Variants in HEXA observed in about 807,000 individuals in gnomAD.
The protein encoded by HEXA is beta-hexosaminidase subunit alpha.
A neutral mutation model predicts 73.3 loss-of-function variants in HEXA; 54 were observed. That is an observed-to-expected ratio of 0.74 (90% CI 0.59 to 0.92). The LOEUF (loss-of-function observed/expected upper bound fraction) is 0.92. HEXA is among the 40% of genes least tolerant of loss of function. The pLI, the probability that HEXA is intolerant of heterozygous loss-of-function variation, is 0.00. For synonymous variants in HEXA, 230 were observed against 246.9 expected (o/e 0.93, Z 0.64); for missense variants, 649 against 653.0 (o/e 0.99, Z 0.07).
In HEXA at chr15:72,341,661, T is replaced by G. The variant is rs2088556190; in HGVS notation, c.*2416A>C. The G allele has an allele frequency of 2.0e-5, 3 of 152,200 alleles. No homozygotes were observed. In the South Asian group the frequency reaches 6.2e-4, roughly 32 times the overall value. The allele number at this position is 152,200 out of a possible 1,614,324, so 9.4% of individuals were successfully genotyped here. ...GGGGTGGGACTTTCAATTTACAGCC[T>G]AGGTGAAGGGAGATGAGTTGGGGCA... On this transcript the variant is annotated 3_prime_UTR_variant, in exon 14 of 14. Transcript: ENST00000268097.
intron 6 of HEXA, 178 bp downstream of exon 6, chr15:72,350,955 A>C (rs2088687103): frequency 3.0e-6 from 2 of 664,558 alleles, no homozygotes; most frequent in Non-Finnish European, 5.4e-6. Flanking sequence ...TCACAAGGCA[A>C]ATTATCGGCA....
intron 1 of HEXA, among the ~76,000 whole-genome samples, chr15:72,367,235 G>A (rs2088929760): frequency 1.3e-5 from 2 of 152,084 alleles, no homozygotes; most frequent in Admixed American, 6.5e-5. Flanking sequence ...GAGCCACCAC[G>A]ACCACCAATT....
intron 1 of HEXA, among the ~76,000 whole-genome samples, chr15:72,364,112 A>G (rs916375790): frequency 4.6e-5 from 7 of 152,068 alleles, no homozygotes; most frequent in Non-Finnish European, 7.4e-5. Context: ...TCTACTAAAA[A>G]TACAAAAATT....
At chr15:72,360,636 C>T (rs2088841094) in intron 1 of HEXA, among the ~76,000 whole-genome samples, 1 of 152,180 alleles carries the variant, frequency 6.6e-6, no homozygotes, top group Admixed American at 6.5e-5. Flanking sequence ...TCTTCCTGGC[C>T]TCACTTACTC....
rs1225029890 is a variant in HEXA, at chr15:72,363,906, T to C, written c.254-7289A>G. Among the ~76,000 whole-genome samples the C allele has an allele frequency of 1.3e-5, 2 of 152,172 alleles. 1 individual carries two copies. Among genetic ancestry groups the C allele is most frequent in the Non-Finnish European group, 2.9e-5 (2 of 68,040 alleles). On this transcript the variant is annotated intron_variant, in intron 1 of 13. Transcript: ENST00000268097. ...TCAAGGGATAACTTTAGTTATAACA[T>C]TTTGCACAATTTTCCAATTTTTTTG...
At chr15:72,351,943 TC>T (rs2088703467) in intron 5 of HEXA, 1 of 152,470 alleles carries the variant, frequency 6.6e-6, no homozygotes, top group African/African-American at 2.5e-5. Flanking sequence ...TCAGCCTCCT[TC>T]CTTCCTTCAC....
intron 6 of HEXA, 49 bp downstream of exon 6, chr15:72,351,084 G>T: frequency 8.2e-7 from 1 of 1,220,896 alleles, no homozygotes; most frequent in Non-Finnish European, 1.2e-6. Flanking sequence ...GCCACAGCCA[G>T]ATTCAGACAT....
At chr15:72,347,347 C>G (rs980526691) in intron 10 of HEXA, among the ~76,000 whole-genome samples, 4 of 151,168 alleles carry the variant, frequency 2.6e-5, no homozygotes, top group South Asian at 2.1e-4. Context: ...TCTTGGCTCA[C>G]AGCAACCTCT....
At chr15:72,350,867 G>T in intron 6 of HEXA, 1 of 627,000 alleles carries the variant, frequency 1.6e-6, no homozygotes, top group East Asian at 2.7e-5. Context: ...ATCATGGTAG[G>T]TATTAATACT....
chr15:72,364,629 T>C (rs1003798532), intron 1 of HEXA, among the ~76,000 whole-genome samples: 2 of 152,148 alleles, frequency 1.3e-5, no homozygotes, highest in Non-Finnish European at 2.9e-5. Context: ...GTTTTGGTTT[T>C]GATACTGCCA....
chr15:72,348,185 A>C, intron 8 of HEXA, 51 bp from the exon 9 acceptor site: 2 of 1,309,428 alleles, frequency 1.5e-6, no homozygotes, highest in Non-Finnish European at 2.2e-6. Flanking sequence ...CTGAAAGCCT[A>C]ATGCCTGGGG....
At position 72,350,599 on chromosome 15, in the gene HEXA, C is replaced by A; in HGVS notation, c.724G>T (p.Val242Phe). The A allele has an allele frequency of 2.5e-6, 4 of 1,614,170 alleles. No homozygotes were observed. Among genetic ancestry groups the A allele is most frequent in the Non-Finnish European group, 3.4e-6 (4 of 1,180,022 alleles). Reference sequence around the variant, plus strand: ...CCCCGGAGCCGTGCGTATTCAATGACCTCCTTCACATCCTGTGCTGTGTAG... The same window carrying A: ...CCCCGGAGCCGTGCGTATTCAATGAACTCCTTCACATCCTGTGCTGTGTAG... ...HIYTAQDVKE[V>F]IEYARLRGIR... Residue 242 changes from valine (V) to phenylalanine (F), a missense_variant, in exon 7 of 14, where the codon GTC becomes TTC. By Grantham distance (50) the Val-to-Phe change is conservative (BLOSUM62 -1). Coordinates refer to ENST00000268097, the MANE Select transcript of HEXA (RefSeq NM_000520.6).
At position 72,350,535 on chromosome 15, in the gene HEXA, G is replaced by A. The variant is rs1057519462; in HGVS notation, c.788C>T (p.Thr263Ile). 1.2e-6 allele frequency: 2 copies of A among 1,614,016 alleles called. No homozygotes were observed. Among genetic ancestry groups the A allele is most frequent in the South Asian group, 1.1e-5 (1 of 91,084 alleles). ...VLAEFDTPGH[T>I]LSWGPGIPGL... ...ATTCTTACCTGGTCCCCAGGACAAA[G>A]TGTGGCCAGGAGTGTCAAACTCTGC... is the stretch of plus-strand genomic sequence containing the variant. Residue 263 changes from threonine (T) to isoleucine (I), a missense_variant, in exon 7 of 14, where the codon ACT becomes ATT. Thr to Ile is a moderately conservative substitution (Grantham distance 89, BLOSUM62 -1). Coordinates refer to ENST00000268097, the MANE Select transcript of HEXA (RefSeq NM_000520.6).
At chr15:72,351,810 CTTTTTTT>C (rs71133985) in intron 5 of HEXA, 67 of 62,428 alleles carry the variant, frequency 1.1e-3, no homozygotes, top group African/African-American at 2.9e-3. Flanking sequence ...CCAGGAAAGG[CTTTTTTT>C]TTTTTTTTTT....
rs771550714 is a variant in HEXA, at chr15:72,351,250, C to T, written c.571-16G>A. ...CCATGACATCCTGTAGGTTAAAGTG[C>T]ACACTGTGAACCCATCACAGTCTCT... On this transcript the variant is annotated splice_polypyrimidine_tract_variant and intron_variant, in intron 5 of 13. Transcript: ENST00000268097. 6.5e-6 allele frequency: 10 copies of T among 1,529,176 alleles called. No individual in the cohort carries two copies. The East Asian group carries it at 2.0e-4, about 31-fold the overall frequency. 94.7% of individuals were successfully genotyped at this position (1,529,176 alleles called of 1,614,324 possible). A position where few individuals can be genotyped will look rare whatever the true frequency, so the allele number is the denominator to read the frequency against.
At chr15:72,370,616 G>T (rs529427354) in intron 1 of HEXA, 1 of 397,436 alleles carries the variant, frequency 2.5e-6, no homozygotes, top group African/African-American at 2.1e-5. Flanking sequence ...AAGACTGCTT[G>T]AGTCCTGGAG....
At chr15:72,375,171 C>T (rs2089044894) in intron 1 of HEXA, among the ~76,000 whole-genome samples, 1 of 151,932 alleles carries the variant, frequency 6.6e-6, no homozygotes, top group African/African-American at 2.4e-5. Flanking sequence ...TCACCACAAC[C>T]TCCACCTCAT....
rs760923149 is a variant in HEXA, at chr15:72,348,142, C to G, written c.987-8G>C. On this transcript the variant is annotated splice_polypyrimidine_tract_variant and splice_region_variant and intron_variant, in intron 8 of 13. Coordinates refer to ENST00000268097, the MANE Select transcript of HEXA (RefSeq NM_000520.6). Reference sequence around the variant, plus strand: ...ATCTCTGGGTTGGACTTCCTGAATCCCAAGAGAAAATGAAGATTAATCTTT... The same window carrying G: ...ATCTCTGGGTTGGACTTCCTGAATCGCAAGAGAAAATGAAGATTAATCTTT... 6 of 1,594,984 alleles carry G rather than the reference C, an allele frequency of 3.8e-6. No individual in the cohort carries two copies. The highest frequency in any genetic ancestry group is 5.2e-6 in the Non-Finnish European group (6 of 1,162,632).
At chr15:72,354,122 T>A (rs930896042) in intron 3 of HEXA, 5 of 237,020 alleles carry the variant, frequency 2.1e-5, no homozygotes, top group African/African-American at 1.1e-4. Context: ...TTTTCATGGA[T>A]AACCCCTATC....
Sources: gnomAD v4.1 joint callset for allele counts (sites outside exome capture counted in the v4.1 genomes callset) on GRCh38, gnomAD v4.1.1 for gene constraint, MANE v1.5 for transcripts, NCBI Gene and HGNC (gene_info 2026-07-23, HGNC 2026-07-21) for gene names.